Variants in DPYD observed in about 807,000 individuals in gnomAD.
DPYD encodes the protein dihydropyrimidine dehydrogenase [NADP(+)].
Under a neutral mutation model 116.2 loss-of-function variants are expected in DPYD, and 109 were observed. The ratio of observed to expected loss-of-function variants is 0.94; its 90% CI spans 0.80 to 1.10. DPYD has a LOEUF of 1.10. DPYD is among the 50% of genes least tolerant of loss of function. The pLI is 0.00. For missense variants in DPYD, 1,302 were observed against 1,254.5 expected, an observed-to-expected ratio of 1.04 and a Z score of -0.57; for synonymous variants, 440 against 432.0, an observed-to-expected ratio of 1.02 and a Z score of -0.23.
At chr1:97,776,659 A>G (rs1351921403) in intron 3 of DPYD, among the ~76,000 whole-genome samples, 1 of 152,182 alleles carries the variant, frequency 6.6e-6, no homozygotes, top group Admixed American at 6.5e-5. Context: ...CAGACAATCT[A>G]AAAAAGACAG....
At chr1:97,301,458 G>C (rs1666858280) in intron 18 of DPYD, among the ~76,000 whole-genome samples, 1 of 151,764 alleles carries the variant, frequency 6.6e-6, no homozygotes, top group Admixed American at 6.6e-5. Context: ...AAATTATATT[G>C]AGCCTAAAGT....
chr1:97,223,251 G>C (rs1332042782), intron 19 of DPYD, among the ~76,000 whole-genome samples: 1 of 151,954 alleles, frequency 6.6e-6, no homozygotes, highest in Non-Finnish European at 1.5e-5. Context: ...AATTGATTTG[G>C]TTATCTGAGT....
Position 97,243,951 on chromosome 1 carries a change from G to T in DPYD, c.2300-8957C>A, listed in dbSNP as rs184189762. Among the ~76,000 whole-genome samples the T allele has an allele frequency of 2.0e-5, 3 of 151,948 alleles. No individual in the cohort carries two copies. In the East Asian group the frequency reaches 5.8e-4, roughly 29 times the overall value. Reference sequence around the variant, plus strand: ...GAATAATAGGACAAAGACAATTACAGAAGCAAAGTGAAATTTGTTTTAGAA... The same window carrying T: ...GAATAATAGGACAAAGACAATTACATAAGCAAAGTGAAATTTGTTTTAGAA... On this transcript the variant is annotated intron_variant, in intron 18 of 22. Transcript: ENST00000370192.
At chr1:97,259,639 T>C (rs1223829492) in intron 18 of DPYD, among the ~76,000 whole-genome samples, 1 of 152,072 alleles carries the variant, frequency 6.6e-6, no homozygotes, top group Non-Finnish European at 1.5e-5. Flanking sequence ...AAGGTCAAGA[T>C]GGTATAATGG....
chr1:97,864,546 C>T (rs1671277835), intron 2 of DPYD, among the ~76,000 whole-genome samples: 1 of 151,800 alleles, frequency 6.6e-6, no homozygotes, highest in Non-Finnish European at 1.5e-5. Flanking sequence ...CCTCCCCCCA[C>T]ACCTCTGTAG....
intron 7 of DPYD, among the ~76,000 whole-genome samples, chr1:97,680,807 G>C (rs1327342062): frequency 6.6e-6 from 1 of 152,088 alleles, no homozygotes; most frequent in Non-Finnish European, 1.5e-5. Context: ...TATAATCAGG[G>C]ACTGGCCTCT....
intron 14 of DPYD, among the ~76,000 whole-genome samples, chr1:97,400,586 T>C (rs1284165147): frequency 6.6e-6 from 1 of 152,170 alleles, no homozygotes; most frequent in Non-Finnish European, 1.5e-5. Context: ...TCCTGGACTT[T>C]TTTTGGTTGG....
intron 8 of DPYD, among the ~76,000 whole-genome samples, chr1:97,642,896 A>G (rs1364239562): frequency 6.8e-6 from 1 of 148,100 alleles, no homozygotes; most frequent in Non-Finnish European, 1.5e-5. Context: ...ATAAAATTAA[A>G]TTAAATTAAA....
intron 3 of DPYD, among the ~76,000 whole-genome samples, chr1:97,778,745 T>A (rs544794745): frequency 6.6e-6 from 1 of 152,288 alleles, no homozygotes; most frequent in South Asian, 2.1e-4. Context: ...TTTTATTTTA[T>A]GCAGCAGTAA....
chr1:97,868,774 C>T (rs1558020110), intron 2 of DPYD, among the ~76,000 whole-genome samples: 2 of 151,802 alleles, frequency 1.3e-5, no homozygotes, highest in Non-Finnish European at 2.9e-5. Context: ...CTGCCTCACA[C>T]AACTTAATCG....
intron 3 of DPYD, among the ~76,000 whole-genome samples, chr1:97,751,393 T>C (rs919605073): frequency 2.1e-5 from 3 of 143,238 alleles, no homozygotes; most frequent in Non-Finnish European, 4.5e-5. Context: ...TATATGTGTG[T>C]ATATATACAT....
At chr1:97,868,160 C>T (rs569862171) in intron 2 of DPYD, among the ~76,000 whole-genome samples, 1 of 150,372 alleles carries the variant, frequency 6.7e-6, no homozygotes, top group Non-Finnish European at 1.5e-5. Flanking sequence ...ACAAATGTTT[C>T]CAAGGAGTTA....
chr1:97,691,711 A>C lies in DPYD; in HGVS notation c.762+6T>G, dbSNP rs1292453820. On this transcript the variant is annotated splice_donor_region_variant and intron_variant, in intron 7 of 22. Transcript: ENST00000370192. Reference sequence around the variant, plus strand: ...CAGTACACAGATAGGTGTTTTTTTCATTTACCTTTACACCAAGGTCCTTCA... The same window carrying C: ...CAGTACACAGATAGGTGTTTTTTTCCTTTACCTTTACACCAAGGTCCTTCA... The C allele has an allele frequency of 6.2e-7, 1 of 1,612,748 alleles. No individual in the cohort carries two copies. The highest frequency in any genetic ancestry group is 8.5e-7 in the Non-Finnish European group (1 of 1,179,120).
At chr1:97,858,296 C>G (rs1670949104) in intron 2 of DPYD, among the ~76,000 whole-genome samples, 1 of 151,850 alleles carries the variant, frequency 6.6e-6, no homozygotes, top group Non-Finnish European at 1.5e-5. Context: ...ATTTGTAGGC[C>G]ACGAATTCAA....
chr1:97,632,083 A>G lies in DPYD; in HGVS notation c.851-36917T>C, dbSNP rs550601663. Among the ~76,000 whole-genome samples the G allele has an allele frequency of 3.9e-5, 6 of 152,206 alleles. No homozygotes were observed. The South Asian group carries it at 1.0e-3, about 26-fold the overall frequency. ...TAATATAACAGGGACTGAAATGAAA[A>G]GAGCTGGCAATGCATTTTCCCCCCA... On this transcript the variant is annotated intron_variant, in intron 8 of 22. Transcript: ENST00000370192.
chr1:97,130,743 TTC>T (rs200622755), intron 20 of DPYD, among the ~76,000 whole-genome samples: 31,046 of 110,068 alleles, frequency 0.28, 4,666 homozygotes, highest in Middle Eastern at 0.43. Context: ...CCTTTCTTTC[TTC>T]TTTCTCCCTT....
intron 1 of DPYD, chr1:97,883,986 G>A: frequency 3.2e-6 from 1 of 315,956 alleles, no homozygotes; most frequent in South Asian, 2.8e-5. Context: ...TATGGAAAAA[G>A]TGAGAAGATA....
At position 97,134,160 on chromosome 1, in the gene DPYD, A is replaced by G. The variant is rs149038318; in HGVS notation, c.2623-35528T>C. Among the ~76,000 whole-genome samples the G allele has an allele frequency of 8.3e-3, 1,239 of 150,092 alleles. 20 individuals are homozygous for G. The highest frequency in any genetic ancestry group is 0.029 in the African/African-American group (1,190 of 40,602). On this transcript the variant is annotated intron_variant, in intron 20 of 22. Transcript: ENST00000370192. ...GTCTTTATCTTTTAGGTAAAGACTTATGGCCAAGCTAGGGTTTTATATAGC... is the reference window on the plus strand; with the variant it reads ...GTCTTTATCTTTTAGGTAAAGACTTGTGGCCAAGCTAGGGTTTTATATAGC...
At chr1:97,704,322 A>T (rs966333460) in intron 5 of DPYD, among the ~76,000 whole-genome samples, 2 of 152,078 alleles carry the variant, frequency 1.3e-5, no homozygotes, top group Non-Finnish European at 2.9e-5. Context: ...GAAAATTGAA[A>T]TCAATTATAA....
Sources: allele counts gnomAD v4.1 joint callset (sites outside exome capture counted in the v4.1 genomes callset), GRCh38; gene constraint gnomAD v4.1.1; transcripts MANE v1.5; gene names NCBI Gene and HGNC (gene_info 2026-07-23, HGNC 2026-07-21).